The following PUDP variants were observed in gnomAD, a reference collection of about 807,000 sequenced individuals.
PUDP encodes pseudouridine 5'-phosphatase, also known as pseudouridine-5'-phosphatase.
Under a neutral mutation model 9.4 loss-of-function variants are expected in PUDP, and 8 were observed. The observed-to-expected ratio is 0.85, with a 90% confidence interval of 0.50 to 1.53. The LOEUF (loss-of-function observed/expected upper bound fraction) is 1.53. PUDP is among the 40% of genes most tolerant of loss of function. PUDP has a pLI of 0.00. For synonymous variants in PUDP, 99 were observed against 80.7 expected (o/e 1.23, Z -1.22); for missense variants, 188 against 189.7 (o/e 0.99, Z 0.05).
At chrX:6,953,636 G>A (rs758447846) in intron 3 of PUDP, among the ~76,000 whole-genome samples, 16 of 110,778 alleles carry the variant, frequency 1.4e-4, no homozygotes, top group African/African-American at 5.3e-4. Flanking sequence ...TCTACTGCAC[G>A]GACACACTCC....
intron 3 of PUDP, chrX:7,057,525 G>T: frequency 1.5e-6 from 1 of 651,246 alleles, no homozygotes; most frequent in Non-Finnish European, 2.2e-6. Flanking sequence ...TGATACCTGG[G>T]ATGTTAAGCC....
At chrX:6,940,372 A>T (rs1928382010) in intron 3 of PUDP, among the ~76,000 whole-genome samples, 1 of 112,811 alleles carries the variant, frequency 8.9e-6, no homozygotes, top group South Asian at 3.6e-4. Flanking sequence ...CTGGACACTT[A>T]GAGAAAACAC....
chrX:7,085,077 C>A (rs1931224041), intron 2 of PUDP: 1 of 111,720 alleles, frequency 9.0e-6, no homozygotes, highest in African/African-American at 3.3e-5. Context: ...CACATGGAGG[C>A]AGGGGATAAG....
chrX:7,046,897 T>C (rs759199129), downstream of PUDP, among the ~76,000 whole-genome samples: 1 of 112,349 alleles, frequency 8.9e-6, no homozygotes, highest in South Asian at 3.7e-4. Flanking sequence ...AATATTTTCA[T>C]GAAAAAAATT....
At chrX:6,989,252 G>T (rs1569135988) in intron 1 of PUDP, 1 of 111,360 alleles carries the variant, frequency 9.0e-6, no homozygotes, top group Non-Finnish European at 1.9e-5. Context: ...AGTTTTGATG[G>T]TCCTTGTATT....
At chrX:7,012,506 C>T (rs1194877108) in intron 1 of PUDP, among the ~76,000 whole-genome samples, 1 of 111,624 alleles carries the variant, frequency 9.0e-6, no homozygotes, top group East Asian at 2.8e-4. Flanking sequence ...ATTCATTCTG[C>T]TTGGCAGAGT....
intron 1 of PUDP, among the ~76,000 whole-genome samples, chrX:7,122,518 G>A (rs1932371881): frequency 9.0e-6 from 1 of 111,586 alleles, no homozygotes; most frequent in Non-Finnish European, 1.9e-5. Context: ...ATCAAAGAAT[G>A]CTTTCCTGTT....
chrX:6,878,938 G>A (rs1431869521), intron 3 of PUDP, among the ~76,000 whole-genome samples: 1 of 111,607 alleles, frequency 9.0e-6, no homozygotes, highest in Non-Finnish European at 1.9e-5. Flanking sequence ...TTAGAAGGCC[G>A]ATTCCTGGCT....
chrX:6,957,518 C>T (rs1383417459), intron 3 of PUDP, among the ~76,000 whole-genome samples: 7 of 111,824 alleles, frequency 6.3e-5, no homozygotes, highest in African/African-American at 1.9e-4. Context: ...CTTGAACTTC[C>T]CAGCCTCCAG....
At chrX:6,870,941 G>A (rs748825174) in intron 3 of PUDP, among the ~76,000 whole-genome samples, 8 of 111,747 alleles carry the variant, frequency 7.2e-5, no homozygotes, top group Admixed American at 9.5e-5. Context: ...GGGCTCAAGC[G>A]ATCTTCTTGC....
intron 3 of PUDP, among the ~76,000 whole-genome samples, chrX:6,901,422 C>G (rs1927683655): frequency 8.9e-6 from 1 of 112,253 alleles, no homozygotes; most frequent in Non-Finnish European, 1.9e-5. Context: ...ACGTCTACAG[C>G]TGAGTCAACA....
At chrX:6,816,973 AC>A (rs780387946) in intron 3 of PUDP, among the ~76,000 whole-genome samples, 1,661 of 97,659 alleles carry the variant, frequency 0.017, 51 homozygotes, top group African/African-American at 0.06. Flanking sequence ...ATATATATAC[AC>A]ATATAGTATA....
intron 3 of PUDP, among the ~76,000 whole-genome samples, chrX:6,728,796 A>C (rs1327955135): frequency 9.0e-6 from 1 of 111,258 alleles, no homozygotes; most frequent in Non-Finnish European, 1.9e-5. Context: ...CATTATTCCA[A>C]TGTCCTTGGA....
At chrX:7,067,716 G>A (rs750312020) in intron 3 of PUDP, among the ~76,000 whole-genome samples, 1 of 111,584 alleles carries the variant, frequency 9.0e-6, no homozygotes, top group Admixed American at 9.5e-5. Flanking sequence ...CTATTTGTGG[G>A]GAACACCACG....
chrX:6,877,577 A>G (rs1927283710), intron 3 of PUDP, among the ~76,000 whole-genome samples: 1 of 111,335 alleles, frequency 9.0e-6, no homozygotes, highest in South Asian at 3.8e-4. Context: ...CTGAGAGTCA[A>G]CGACGAAGTC....
intron 3 of PUDP, among the ~76,000 whole-genome samples, chrX:6,836,981 T>C (rs925421215): frequency 3.4e-4 from 38 of 112,353 alleles, no homozygotes; most frequent in African/African-American, 1.2e-3. Flanking sequence ...AGTGGGGTAG[T>C]ATGCATTGGT....
intron 3 of PUDP, among the ~76,000 whole-genome samples, chrX:6,793,244 TGCACCAACC>T (rs1925781568): frequency 3.6e-5 from 4 of 111,959 alleles, no homozygotes; most frequent in Non-Finnish European, 7.5e-5. Context: ...CAATTGCTTT[TGCACCAACC>T]TAATATGTCC....
intron 3 of PUDP, among the ~76,000 whole-genome samples, chrX:6,788,303 G>A (rs116479449): frequency 0.015 from 1,700 of 112,283 alleles, 35 homozygotes; most frequent in African/African-American, 0.052. Context: ...TTCTGAGCAA[G>A]TTTAAGGTCA....
At chrX:6,714,476 C>A (rs1159023127) in intron 1 of PUDP, among the ~76,000 whole-genome samples, 1 of 110,992 alleles carries the variant, frequency 9.0e-6, no homozygotes, top group Non-Finnish European at 1.9e-5. Context: ...ATAGATCAGT[C>A]TATATGTCTT....
Sources: allele counts gnomAD v4.1 joint callset (sites outside exome capture counted in the v4.1 genomes callset), GRCh38; gene constraint gnomAD v4.1.1; transcripts MANE v1.5; gene names NCBI Gene and HGNC (gene_info 2026-07-23, HGNC 2026-07-21).